The following ALK variants were observed in gnomAD, a reference collection of about 807,000 sequenced individuals.
The protein encoded by ALK is ALK tyrosine kinase receptor.
A neutral mutation model predicts 163.1 loss-of-function variants in ALK; 74 were observed. The observed-to-expected ratio is 0.45, with a 90% confidence interval of 0.38 to 0.55. The LOEUF is 0.55. Ranked by LOEUF, ALK falls within the 20% of genes least tolerant of loss-of-function variation. The pLI is 0.00. For synonymous variants in ALK, 960 were observed against 843.2 expected (o/e 1.14, Z -2.40); for missense variants, 2,063 against 2,105.3 (o/e 0.98, Z 0.39).
At chr2:29,730,702 C>T (rs1455858054) in intron 1 of ALK, among the ~76,000 whole-genome samples, 1 of 152,162 alleles carries the variant, frequency 6.6e-6, no homozygotes, top group Admixed American at 6.5e-5. Context: ...TTTATATGAT[C>T]CACTGGAGTA....
intron 4 of ALK, among the ~76,000 whole-genome samples, chr2:29,473,686 T>C (rs980985966): frequency 2.3e-4 from 34 of 149,276 alleles, no homozygotes; most frequent in African/African-American, 8.1e-4. Context: ...CTGGCCAACA[T>C]GGCAAAGCCC....
intron 12 of ALK, among the ~76,000 whole-genome samples, chr2:29,245,264 T>C (rs13402091): frequency 7.3e-5 from 8 of 108,904 alleles, no homozygotes; most frequent in Admixed American, 1.9e-4. Flanking sequence ...AGTAGGGGCT[T>C]TATGGCTCAA....
chr2:29,714,010 G>A (rs1679179527), intron 2 of ALK, among the ~76,000 whole-genome samples: 1 of 151,964 alleles, frequency 6.6e-6, no homozygotes, highest in Non-Finnish European at 1.5e-5. Flanking sequence ...AACTCAAGGT[G>A]ATCAAAACTG....
rs1308229716 is a variant in ALK, at chr2:29,259,109, T to C, written c.2042-7842A>G. Among the ~76,000 whole-genome samples, 3 of 152,198 alleles carry C rather than the reference T, an allele frequency of 2.0e-5. No homozygotes were observed. The East Asian group carries it at 5.8e-4, about 29-fold the overall frequency. On this transcript the variant is annotated intron_variant, in intron 11 of 28. Coordinates refer to ENST00000389048, the MANE Select transcript of ALK (RefSeq NM_004304.5). ...GTATATCATATCTGCATTTCTTTTT[T>C]CACACTGAGAACCATGTCTCTCAGA...
intron 3 of ALK, among the ~76,000 whole-genome samples, chr2:29,599,007 C>G (rs1051841520): frequency 6.6e-6 from 1 of 151,980 alleles, no homozygotes; most frequent in Non-Finnish European, 1.5e-5. Flanking sequence ...TTTTTTTCCT[C>G]TACTTTAAAA....
At chr2:29,537,166 A>G (rs989308451) in intron 3 of ALK, among the ~76,000 whole-genome samples, 40 of 152,380 alleles carry the variant, frequency 2.6e-4, no homozygotes, top group African/African-American at 9.1e-4. Flanking sequence ...CGCTAAGCGA[A>G]TAGCATGACT....
chr2:29,654,193 G>T (rs922104182), intron 3 of ALK, among the ~76,000 whole-genome samples: 5 of 152,160 alleles, frequency 3.3e-5, no homozygotes, highest in African/African-American at 1.2e-4. Context: ...GAGAAAACAG[G>T]TCTAAAAGAT....
At chr2:29,398,158 G>A (rs1255305734) in intron 4 of ALK, among the ~76,000 whole-genome samples, 1 of 152,148 alleles carries the variant, frequency 6.6e-6, no homozygotes, top group Non-Finnish European at 1.5e-5. Context: ...GGGCTAGAGG[G>A]GGCAGGAATC....
At chr2:29,889,742 A>G (rs950620604) in intron 1 of ALK, among the ~76,000 whole-genome samples, 20 of 120,564 alleles carry the variant, frequency 1.7e-4, no homozygotes, top group African/African-American at 5.8e-4. Flanking sequence ...AGAGAGAGAG[A>G]GAGAGAGAGA....
chr2:29,754,623 G>A (rs1162252750), intron 1 of ALK, among the ~76,000 whole-genome samples: 1 of 152,016 alleles, frequency 6.6e-6, no homozygotes, highest in East Asian at 1.9e-4. Flanking sequence ...TTGGGAGCTT[G>A]CAGCTGCAGT....
chr2:29,490,496 T>C (rs1671874965), intron 4 of ALK, among the ~76,000 whole-genome samples: 1 of 152,188 alleles, frequency 6.6e-6, no homozygotes, highest in African/African-American at 2.4e-5. Context: ...TGCAAATTAT[T>C]AGGCCTCGTT....
chr2:29,242,251 A>T (rs1664543511), intron 12 of ALK, among the ~76,000 whole-genome samples: 2 of 152,140 alleles, frequency 1.3e-5, no homozygotes, highest in African/African-American at 4.8e-5. Context: ...TGCATAAAAA[A>T]GTCATCTCCA....
intron 1 of ALK, among the ~76,000 whole-genome samples, chr2:29,901,025 GC>G (rs1488984635): frequency 6.6e-5 from 10 of 151,084 alleles, no homozygotes; most frequent in African/African-American, 2.5e-4. Context: ...AAGCAAGCAA[GC>G]AAGCAAGCTT....
In ALK at chr2:29,683,833, C is replaced by CT; in HGVS notation, c.952+11016dup. Reference sequence around the variant, plus strand: ...TCAGGCTGCTGTGGCTGGTTGACTGCTGTCAGGCAGGGCTGTGTGTTACTC... The same window carrying CT: ...TCAGGCTGCTGTGGCTGGTTGACTGCTTGTCAGGCAGGGCTGTGTGTTACTC... On this transcript the variant is annotated intron_variant, in intron 3 of 28. Transcript: ENST00000389048. 1.3e-5 allele frequency among the ~76,000 whole-genome samples: 2 copies of CT among 152,298 alleles called. 1 individual carries two copies. Among genetic ancestry groups the CT allele is most frequent in the South Asian group, 4.1e-4 (2 of 4,824 alleles).
intron 26 of ALK, among the ~76,000 whole-genome samples, chr2:29,202,806 TG>T (rs1306774465): frequency 6.6e-6 from 1 of 152,188 alleles, no homozygotes; most frequent in Admixed American, 6.5e-5. Context: ...GTAGTTGGGT[TG>T]GGTTTTGTTT....
chr2:29,305,357 C>T (rs372398453), intron 8 of ALK, among the ~76,000 whole-genome samples: 68 of 152,154 alleles, frequency 4.5e-4, no homozygotes, highest in African/African-American at 6.7e-4. Flanking sequence ...AGGATGTATA[C>T]GGGGCTAGAA....
chr2:29,752,977 G>A (rs1034739950), intron 1 of ALK, among the ~76,000 whole-genome samples: 2 of 152,126 alleles, frequency 1.3e-5, no homozygotes, highest in African/African-American at 2.4e-5. Context: ...CCAGCCCAGG[G>A]TCACAGGTTT....
intron 3 of ALK, among the ~76,000 whole-genome samples, chr2:29,656,651 A>G (rs1382076401): frequency 6.6e-6 from 1 of 152,190 alleles, no homozygotes; most frequent in African/African-American, 2.4e-5. Context: ...TGAAACACAA[A>G]GAAGTTAGAT....
chr2:29,620,188 A>G (rs1326332119), intron 3 of ALK, among the ~76,000 whole-genome samples: 1 of 152,210 alleles, frequency 6.6e-6, no homozygotes, highest in Non-Finnish European at 1.5e-5. Context: ...AAACAACACA[A>G]CGGTGTTGCC....
Sources: gnomAD v4.1 joint callset for allele counts (sites outside exome capture counted in the v4.1 genomes callset) on GRCh38, gnomAD v4.1.1 for gene constraint, MANE v1.5 for transcripts, NCBI Gene and HGNC (gene_info 2026-07-23, HGNC 2026-07-21) for gene names.